SAP18: variants seen among roughly 807,000 people sequenced by gnomAD.
SAP18 encodes the protein histone deacetylase complex subunit SAP18.
A neutral mutation model predicts 18.6 loss-of-function variants in SAP18; 4 were observed. The ratio of observed to expected loss-of-function variants is 0.21; its 90% CI spans 0.11 to 0.49. The LOEUF is 0.49. Ranked by LOEUF, SAP18 falls within the 20% of genes least tolerant of loss-of-function variation. The pLI is 0.98. For synonymous variants in SAP18, 112 were observed against 82.8 expected (o/e 1.35, Z -1.92); for missense variants, 170 against 226.4 (o/e 0.75, Z 1.60).
At chr13:21,147,346 C>G in exon 4 of SAP18, 1 of 1,595,272 alleles carries the variant, frequency 6.3e-7, no homozygotes, top group Non-Finnish European at 8.5e-7. Flanking sequence ...ATATTAAATT[C>G]TATTTACTAT....
At chr13:21,141,206 CTT>C (rs1221354598) in intron 2 of SAP18, 4 of 581,914 alleles carry the variant, frequency 6.9e-6, no homozygotes, top group Non-Finnish European at 1.2e-5. Flanking sequence ...AATGTTGCAA[CTT>C]TTGGGCGGTT....
At chr13:21,143,291 T>G (rs1042307884) in intron 2 of SAP18, among the ~76,000 whole-genome samples, 4 of 152,222 alleles carry the variant, frequency 2.6e-5, no homozygotes, top group African/African-American at 9.6e-5. Context: ...CCACCAAACT[T>G]TTTCACAGCA....
intron 2 of SAP18, among the ~76,000 whole-genome samples, chr13:21,142,199 A>G (rs1369224319): frequency 6.7e-6 from 1 of 149,896 alleles, no homozygotes; most frequent in Non-Finnish European, 1.5e-5. Flanking sequence ...AGGCAGGAGG[A>G]TCGCTTGAAC....
intron 2 of SAP18, among the ~76,000 whole-genome samples, chr13:21,144,027 C>T (rs550393261): frequency 1.3e-5 from 2 of 152,114 alleles, no homozygotes; most frequent in Non-Finnish European, 2.9e-5. Context: ...GAGTGGAAGT[C>T]CAGAGGAGCC....
At chr13:21,147,509 AGTCT>A in exon 4 of SAP18, 1 of 646,146 alleles carries the variant, frequency 1.5e-6, no homozygotes, top group South Asian at 2.0e-5. Context: ...GATTACGAAT[AGTCT>A]GTATGTTTCA....
rs748872014 is a variant in SAP18 at position 21,140,691 on chromosome 13, C to T, written c.129+10C>T. The stretch of plus-strand genomic sequence containing the variant: ...GATCGACCGCGAGAAGGTGAAGGCC[C>T]CCTCCGCTTTGGGGTCCGGGAAGAG... On this transcript the variant is annotated intron_variant, in intron 1 of 3. Transcript: ENST00000621421. 1.2e-6 allele frequency: 2 copies of T among 1,610,084 alleles called. No homozygotes were observed. Among genetic ancestry groups the T allele is most frequent in the African/African-American group, 1.3e-5 (1 of 74,860 alleles).
chr13:21,144,405 CAAAAAAAAAAAAA>C (rs36115551), intron 2 of SAP18, among the ~76,000 whole-genome samples: 8 of 64,634 alleles, frequency 1.2e-4, no homozygotes, highest in African/African-American at 2.6e-4. Flanking sequence ...GACTCCATCT[CAAAAAAAAAAAAA>C]AAAAAAAAAA....
chr13:21,146,278 C>T (rs558589980), intron 2 of SAP18, among the ~76,000 whole-genome samples: 8 of 152,230 alleles, frequency 5.3e-5, no homozygotes, highest in African/African-American at 4.8e-5. Context: ...ACCTGGGAGG[C>T]GGAGGTTGCA....
chr13:21,140,917 C>T (rs1347601736), exon 2 of SAP18: 1 of 1,613,844 alleles, frequency 6.2e-7, no homozygotes, highest in East Asian at 2.2e-5. Flanking sequence ...GTCTTCACCA[C>T]CAATAACGGC....
exon 4 of SAP18, chr13:21,147,332 G>C (rs749228463): frequency 6.2e-7 from 1 of 1,604,074 alleles, no homozygotes; most frequent in Non-Finnish European, 8.5e-7. Context: ...GGGCGCATGA[G>C]ACCATATTAA....
rs568853356 is a variant in SAP18 at position 21,145,129 on chromosome 13, C to T, written c.240-1676C>T. Among the ~76,000 whole-genome samples the T allele has an allele frequency of 2.9e-3, 424 of 146,974 alleles. 2 individuals carry two copies. Among genetic ancestry groups the T allele is most frequent in the Non-Finnish European group, 5.0e-3 (336 of 67,218 alleles). Reference sequence around the variant, plus strand: ...TCATCCAGGCTGGAGTGCAGTGGCGCGATCTCGGCTCACTGCAACCTCTGC... The same window carrying T: ...TCATCCAGGCTGGAGTGCAGTGGCGTGATCTCGGCTCACTGCAACCTCTGC... On this transcript the variant is annotated intron_variant, in intron 2 of 3. Coordinates refer to ENST00000621421, the Ensembl canonical transcript of SAP18.
exon 4 of SAP18, chr13:21,148,287 A>G (rs557335004): frequency 6.6e-6 from 1 of 152,366 alleles, no homozygotes; most frequent in Admixed American, 6.5e-5. Context: ...TTAAGACTGA[A>G]TATTTTAAAA....
In SAP18 at chr13:21,141,351, A is replaced by C. The variant is rs182868450; in HGVS notation, c.239+356A>C. The C allele has an allele frequency of 9.4e-4, 267 of 282,730 alleles. 2 individuals are homozygous for C. Among genetic ancestry groups the C allele is most frequent in the African/African-American group, 5.5e-3 (254 of 45,964 alleles). The allele number at this position is 282,730 out of a possible 1,614,324, so 17.5% of individuals were successfully genotyped here. Reference sequence around the variant, plus strand: ...ATAAATTGCACTAGGACAACATGGTAAGGGAGAGTGATGCTGTCGAGTGGT... The same window carrying C: ...ATAAATTGCACTAGGACAACATGGTCAGGGAGAGTGATGCTGTCGAGTGGT... On this transcript the variant is annotated intron_variant, in intron 2 of 3. Transcript: ENST00000621421.
chr13:21,146,088 A>AGTGC (rs1869641049), intron 2 of SAP18, among the ~76,000 whole-genome samples: 4 of 152,170 alleles, frequency 2.6e-5, no homozygotes, highest in Non-Finnish European at 5.9e-5. Context: ...CACGCTTGTA[A>AGTGC]TCAATCCCAG....
At chr13:21,140,353 G>A (rs1869397136), upstream of SAP18, among the ~76,000 whole-genome samples, 1 of 152,206 alleles carries the variant, frequency 6.6e-6, no homozygotes, top group Non-Finnish European at 1.5e-5. Context: ...AAACATCCCG[G>A]CAACCAACTG....
chr13:21,141,047 A>G, intron 2 of SAP18, 52 bp downstream of exon 2: 1 of 1,131,300 alleles, frequency 8.8e-7, no homozygotes, highest in Non-Finnish European at 1.3e-6. Context: ...CTGGAACAAC[A>G]GTTAATTGCC....
chr13:21,141,088 T>C, intron 2 of SAP18, 93 bp downstream of exon 2: 1 of 824,592 alleles, frequency 1.2e-6, no homozygotes, highest in Non-Finnish European at 2.0e-6. Flanking sequence ...CTCCCTGATT[T>C]CAATTTCATT....
intron 2 of SAP18, among the ~76,000 whole-genome samples, chr13:21,142,061 C>T (rs938350053): frequency 1.9e-4 from 28 of 149,204 alleles, no homozygotes; most frequent in African/African-American, 2.9e-4. Context: ...CTGAGGCTGG[C>T]GGATCACTTG....
chr13:21,147,356 T>G (rs1015191156), exon 4 of SAP18: 6 of 1,591,828 alleles, frequency 3.8e-6, no homozygotes, highest in Non-Finnish European at 5.1e-6. Context: ...CTATTTACTA[T>G]TTGTTGAATT....
Sources: allele counts gnomAD v4.1 joint callset (sites outside exome capture counted in the v4.1 genomes callset), GRCh38; gene constraint gnomAD v4.1.1; transcripts MANE v1.5; gene names NCBI Gene and HGNC (gene_info 2026-07-23, HGNC 2026-07-21).